The following WDPCP variants were observed in gnomAD, a reference collection of about 807,000 sequenced individuals.
WDPCP encodes WD repeat containing planar cell polarity effector.
WDPCP carries 71 observed loss-of-function variants against 93.1 expected under a neutral mutation model. That is an observed-to-expected ratio of 0.76 (90% CI 0.63 to 0.93). WDPCP has a LOEUF of 0.93. WDPCP is among the 40% of genes least tolerant of loss of function. The pLI, the probability that WDPCP is intolerant of heterozygous loss-of-function variation, is 0.00. For synonymous variants in WDPCP, 315 were observed against 315.0 expected (o/e 1.00, Z 0.00); for missense variants, 844 against 887.4 (o/e 0.95, Z 0.62).
At chr2:63,702,276 T>C (rs2103711126) in intron 2 of WDPCP, among the ~76,000 whole-genome samples, 1 of 152,296 alleles carries the variant, frequency 6.6e-6, no homozygotes, top group Admixed American at 6.5e-5. Flanking sequence ...TCCGCCTGCT[T>C]CGGCCTCCCA....
intron 1 of WDPCP, among the ~76,000 whole-genome samples, chr2:63,584,280 G>A (rs1708696224): frequency 6.6e-6 from 1 of 152,120 alleles, no homozygotes; most frequent in Non-Finnish European, 1.5e-5. Context: ...CCACTATCCT[G>A]AATTCTGATT....
intron 3 of WDPCP, chr2:63,605,265 CT>C: frequency 6.4e-7 from 1 of 1,564,016 alleles, no homozygotes; most frequent in Non-Finnish European, 8.8e-7. Flanking sequence ...CTGCCTTCAC[CT>C]GCCCCCTTCC....
At chr2:63,496,342 G>C (rs1701221230) in intron 1 of WDPCP, among the ~76,000 whole-genome samples, 1 of 152,180 alleles carries the variant, frequency 6.6e-6, no homozygotes, top group South Asian at 2.1e-4. Flanking sequence ...AGAGTGTAGT[G>C]TAGTTTCCAC....
At chr2:63,564,098 G>C (rs1332196690) in intron 1 of WDPCP, 1 of 152,186 alleles carries the variant, frequency 6.6e-6, no homozygotes, top group Non-Finnish European at 1.5e-5. Flanking sequence ...TTCTCATGTT[G>C]CTAAACTTTG....
chr2:63,396,378 C>T (rs775295568), intron 10 of WDPCP, among the ~76,000 whole-genome samples: 3 of 152,178 alleles, frequency 2.0e-5, no homozygotes, highest in South Asian at 2.1e-4. Flanking sequence ...CACATACACA[C>T]GTTGCCTGTG....
chr2:63,429,583 G>C (rs1246949148), intron 9 of WDPCP, among the ~76,000 whole-genome samples: 1 of 152,006 alleles, frequency 6.6e-6, no homozygotes, highest in Non-Finnish European at 1.5e-5. Flanking sequence ...ACATATGAAA[G>C]AATGCTCATA....
chr2:63,793,870 TTGTGTGTGTG>T (rs35714297), intron 2 of WDPCP, among the ~76,000 whole-genome samples: 80 of 145,330 alleles, frequency 5.5e-4, no homozygotes, highest in Non-Finnish European at 6.4e-4. Context: ...AGTACTTACA[TTGTGTGTGTG>T]TGTGTGTGTG....
chr2:63,436,372 T>C (rs1697135388), intron 8 of WDPCP, among the ~76,000 whole-genome samples: 1 of 152,156 alleles, frequency 6.6e-6, no homozygotes, highest in Admixed American at 6.6e-5. Flanking sequence ...AAAACTCATT[T>C]ATTTTATTCC....
At chr2:63,738,149 A>C (rs2103845703) in intron 2 of WDPCP, among the ~76,000 whole-genome samples, 1 of 152,132 alleles carries the variant, frequency 6.6e-6, no homozygotes, top group East Asian at 1.9e-4. Flanking sequence ...ACCCCTCACC[A>C]GTCCCCATTG....
At chr2:63,275,404 C>G (rs115306940) in intron 13 of WDPCP, among the ~76,000 whole-genome samples, 2,339 of 152,236 alleles carry the variant, frequency 0.015, 63 homozygotes, top group African/African-American at 0.054. Context: ...ACTTACACCA[C>G]TCCTGATCAG....
chr2:63,629,651 A>G (rs915069314), intron 3 of WDPCP, among the ~76,000 whole-genome samples: 1 of 152,222 alleles, frequency 6.6e-6, no homozygotes, highest in Non-Finnish European at 1.5e-5. Context: ...AAGTATCAGT[A>G]AAGGCTTAGT....
chr2:63,593,680 AG>A, upstream of WDPCP: 1 of 471,524 alleles, frequency 2.1e-6, no homozygotes, highest in Non-Finnish European at 4.4e-6. Flanking sequence ...TATCGGGGAA[AG>A]GAATGGTTCA....
chr2:63,166,307 C>G (rs1672971953), intron 15 of WDPCP, among the ~76,000 whole-genome samples: 1 of 152,016 alleles, frequency 6.6e-6, no homozygotes, highest in Non-Finnish European at 1.5e-5. Context: ...CCTCGTGATT[C>G]GCCTGCCTTG....
At chr2:63,291,773 C>T (rs947174299) in intron 13 of WDPCP, among the ~76,000 whole-genome samples, 56 of 149,944 alleles carry the variant, frequency 3.7e-4, no homozygotes, top group African/African-American at 1.4e-3. Flanking sequence ...TGTGCCATTG[C>T]ACTCCAGCCT....
intron 1 of WDPCP, among the ~76,000 whole-genome samples, chr2:63,512,726 A>G (rs1228012578): frequency 6.6e-6 from 1 of 152,050 alleles, no homozygotes. Flanking sequence ...GGAACGTCAC[A>G]CACTGGGGCC....
At chr2:63,767,782 T>C (rs2103935696) in intron 2 of WDPCP, among the ~76,000 whole-genome samples, 1 of 152,264 alleles carries the variant, frequency 6.6e-6, no homozygotes, top group South Asian at 2.1e-4. Context: ...TTGTCCTGTC[T>C]GTGTGGCTTT....
intron 12 of WDPCP, among the ~76,000 whole-genome samples, chr2:63,355,840 A>T (rs932906599): frequency 2.6e-5 from 4 of 152,188 alleles, no homozygotes; most frequent in Non-Finnish European, 4.4e-5. Flanking sequence ...GTGAGCTGAG[A>T]CTGTGCCACT....
chr2:63,189,545 T>G (rs1674884323), intron 14 of WDPCP, among the ~76,000 whole-genome samples: 1 of 152,222 alleles, frequency 6.6e-6, no homozygotes, highest in Non-Finnish European at 1.5e-5. Flanking sequence ...CTTATGTATA[T>G]TATTTCCACA....
intron 6 of WDPCP, among the ~76,000 whole-genome samples, chr2:63,453,255 C>T (rs191230112): frequency 2.2e-3 from 339 of 152,238 alleles, no homozygotes; most frequent in African/African-American, 7.6e-3. Flanking sequence ...AAGAATAAAA[C>T]AAACAACCCC....
Sources: allele counts gnomAD v4.1 joint callset (sites outside exome capture counted in the v4.1 genomes callset), GRCh38; gene constraint gnomAD v4.1.1; transcripts MANE v1.5; gene names NCBI Gene and HGNC (gene_info 2026-07-23, HGNC 2026-07-21).